Variants in ZFAND3 observed in about 807,000 individuals in gnomAD.
ZFAND3 encodes the protein AN1-type zinc finger protein 3.
In ZFAND3, 10 loss-of-function variants were observed where a neutral mutation model predicts 29.6. The ratio of observed to expected loss-of-function variants is 0.34; its 90% CI spans 0.21 to 0.57. The LOEUF is 0.57. Ranked by LOEUF, ZFAND3 falls within the 20% of genes least tolerant of loss-of-function variation. The pLI, the probability that ZFAND3 is intolerant of heterozygous loss-of-function variation, is 0.86. For synonymous variants in ZFAND3, 128 were observed against 112.6 expected (o/e 1.14, Z -0.87); for missense variants, 230 against 304.5 (o/e 0.76, Z 1.82).
intron 4 of ZFAND3, among the ~76,000 whole-genome samples, chr6:38,088,717 T>C (rs762670858): frequency 6.6e-6 from 1 of 152,228 alleles, no homozygotes; most frequent in Non-Finnish European, 1.5e-5. Flanking sequence ...GCACATATGT[T>C]GAGTAGATAA....
At chr6:38,033,251 T>C (rs1392407555) in intron 2 of ZFAND3, among the ~76,000 whole-genome samples, 1 of 152,152 alleles carries the variant, frequency 6.6e-6, no homozygotes, top group Non-Finnish European at 1.5e-5. Context: ...TAATATAGAC[T>C]CTCATCTATA....
chr6:38,013,217 G>A (rs796108840), intron 2 of ZFAND3, among the ~76,000 whole-genome samples: 10 of 152,280 alleles, frequency 6.6e-5, no homozygotes, highest in African/African-American at 2.4e-4. Context: ...TTCACTTGGG[G>A]CTTTAATGGA....
At chr6:37,863,475 A>G (rs1025995578) in intron 1 of ZFAND3, among the ~76,000 whole-genome samples, 1 of 152,190 alleles carries the variant, frequency 6.6e-6, no homozygotes, top group African/African-American at 2.4e-5. Context: ...GTGCTACATC[A>G]CTTGTCTTTC....
intron 2 of ZFAND3, among the ~76,000 whole-genome samples, chr6:37,947,615 T>C (rs1761925586): frequency 6.6e-6 from 1 of 152,194 alleles, no homozygotes; most frequent in Admixed American, 6.5e-5. Context: ...CCACATGCAG[T>C]GATTAAGAGG....
At chr6:37,895,081 T>G (rs1414363309) in intron 1 of ZFAND3, among the ~76,000 whole-genome samples, 1 of 152,164 alleles carries the variant, frequency 6.6e-6, no homozygotes, top group Non-Finnish European at 1.5e-5. Flanking sequence ...CTGCCATTAT[T>G]TCTTCAAAAA....
intron 2 of ZFAND3, among the ~76,000 whole-genome samples, chr6:38,015,303 G>C (rs1282011667): frequency 6.6e-6 from 1 of 152,102 alleles, no homozygotes; most frequent in Non-Finnish European, 1.5e-5. Context: ...CATTTTATTG[G>C]CAAAAATTAA....
At chr6:38,149,425 A>C (rs1198702357) in intron 5 of ZFAND3, among the ~76,000 whole-genome samples, 4 of 151,752 alleles carry the variant, frequency 2.6e-5, no homozygotes, top group Admixed American at 6.6e-5. Flanking sequence ...AAAAAAAAAA[A>C]AAAACCTAAG....
chr6:37,879,662 A>G (rs1030002772), intron 1 of ZFAND3, among the ~76,000 whole-genome samples: 3 of 152,174 alleles, frequency 2.0e-5, no homozygotes, highest in African/African-American at 7.2e-5. Context: ...AGTAACTGGG[A>G]TGAATGAGCA....
At chr6:38,106,291 T>C (rs1446371929) in intron 4 of ZFAND3, among the ~76,000 whole-genome samples, 1 of 152,130 alleles carries the variant, frequency 6.6e-6, no homozygotes, top group Non-Finnish European at 1.5e-5. Context: ...TAGCTGGGAT[T>C]ATAGGCATGC....
At chr6:38,147,503 C>A (rs1766134473) in intron 5 of ZFAND3, among the ~76,000 whole-genome samples, 1 of 152,152 alleles carries the variant, frequency 6.6e-6, no homozygotes, top group African/African-American at 2.4e-5. Flanking sequence ...TGGGTAGATA[C>A]CCTGTGGTGG....
chr6:37,983,649 C>T (rs114219808), intron 2 of ZFAND3, among the ~76,000 whole-genome samples: 5,168 of 152,096 alleles, frequency 0.034, 127 homozygotes, highest in Middle Eastern at 0.078. Flanking sequence ...GTGAGCCACC[C>T]CCCACCCCTG....
chr6:37,847,601 C>T (rs1284358386), intron 1 of ZFAND3, among the ~76,000 whole-genome samples: 2 of 152,032 alleles, frequency 1.3e-5, no homozygotes, highest in Non-Finnish European at 2.9e-5. Flanking sequence ...ACTATTGATA[C>T]ACAGAAAGTG....
chr6:38,130,576 ATTTTTGT>A (rs1765723301), intron 5 of ZFAND3, among the ~76,000 whole-genome samples: 1 of 152,040 alleles, frequency 6.6e-6, no homozygotes, highest in South Asian at 2.1e-4. Context: ...TGATCATGTG[ATTTTTGT>A]TTTCAATTAT....
intron 2 of ZFAND3, among the ~76,000 whole-genome samples, chr6:38,042,685 G>T (rs11755262): frequency 0.065 from 9,874 of 152,224 alleles, 396 homozygotes; most frequent in Non-Finnish European, 0.093. Context: ...ACATATGCAA[G>T]AAAGGAAGGT....
At chr6:38,125,347 A>G (rs146588534) in intron 5 of ZFAND3, among the ~76,000 whole-genome samples, 2 of 152,332 alleles carry the variant, frequency 1.3e-5, no homozygotes, top group African/African-American at 4.8e-5. Flanking sequence ...CACGAACTCC[A>G]TGTATTTAGC....
At chr6:37,857,955 G>A (rs1340283807) in intron 1 of ZFAND3, among the ~76,000 whole-genome samples, 1 of 152,132 alleles carries the variant, frequency 6.6e-6, no homozygotes, top group Non-Finnish European at 1.5e-5. Context: ...GTAGGATAGT[G>A]TCTGTTTATT....
At chr6:37,929,926 C>T in intron 1 of ZFAND3, 33 bp from the exon 2 acceptor site, 1 of 1,571,782 alleles carries the variant, frequency 6.4e-7, no homozygotes, top group South Asian at 1.2e-5. Context: ...GTTTTTAGCT[C>T]TTCTTTCTTT....
intron 2 of ZFAND3, among the ~76,000 whole-genome samples, chr6:38,059,114 C>T (rs1350102607): frequency 1.3e-5 from 2 of 152,024 alleles, no homozygotes; most frequent in Non-Finnish European, 2.9e-5. Flanking sequence ...AGAATAAAGA[C>T]AATAATCACA....
chr6:37,904,335 T>A (rs895503255), intron 1 of ZFAND3, among the ~76,000 whole-genome samples: 2 of 152,220 alleles, frequency 1.3e-5, no homozygotes, highest in African/African-American at 2.4e-5. Flanking sequence ...ATAGCTCATT[T>A]TATATTTGCT....
Sources: allele counts gnomAD v4.1 joint callset (sites outside exome capture counted in the v4.1 genomes callset), GRCh38; gene constraint gnomAD v4.1.1; transcripts MANE v1.5; gene names NCBI Gene and HGNC (gene_info 2026-07-23, HGNC 2026-07-21).